Variants in UNC13C observed in about 807,000 individuals in gnomAD.
UNC13C encodes the protein protein unc-13 homolog C.
A neutral mutation model predicts 245.4 loss-of-function variants in UNC13C; 174 were observed. That is an observed-to-expected ratio of 0.71 (90% CI 0.63 to 0.80). UNC13C has a LOEUF of 0.80. Among genes scored for constraint, UNC13C ranks in the 30% least tolerant of loss-of-function variants. UNC13C has a pLI of 0.00. For missense variants in UNC13C, 2,829 were observed against 2,602.9 expected, an observed-to-expected ratio of 1.09 and a Z score of -1.89; for synonymous variants, 992 against 895.1, an observed-to-expected ratio of 1.11 and a Z score of -1.93.
In UNC13C at chr15:54,336,394, G is replaced by A. The variant is rs569852938; in HGVS notation, c.4585-1967G>A. Among the ~76,000 whole-genome samples the A allele has an allele frequency of 1.1e-4, 16 of 152,010 alleles. No homozygotes were observed. The East Asian group carries it at 2.5e-3, about 24-fold the overall frequency. ...TTGAATACAATTTTTTGTCAGATATGTGATTTGCTATTATTTTTGCCTTGT... is the reference window on the plus strand; with the variant it reads ...TTGAATACAATTTTTTGTCAGATATATGATTTGCTATTATTTTTGCCTTGT... On this transcript the variant is annotated intron_variant, in intron 16 of 32. Transcript: ENST00000260323.
chr15:54,458,266 G>A (rs8027984), intron 19 of UNC13C, among the ~76,000 whole-genome samples: 67,250 of 151,762 alleles, frequency 0.44, 15,210 homozygotes, highest in East Asian at 0.71. Context: ...TATACTTTTA[G>A]TTTTCTTAAA....
chr15:54,130,484 A>T (rs2031346422), intron 2 of UNC13C, among the ~76,000 whole-genome samples: 2 of 151,526 alleles, frequency 1.3e-5, no homozygotes, highest in African/African-American at 4.8e-5. Context: ...AGTAGAGTCG[A>T]GGTTTCACCG....
chr15:54,283,691 T>C (rs559399476), intron 10 of UNC13C, among the ~76,000 whole-genome samples: 8 of 123,958 alleles, frequency 6.5e-5, no homozygotes, highest in Admixed American at 5.5e-4. Flanking sequence ...CTATGTGATA[T>C]ATATGTGTGT....
At chr15:54,075,312 C>G (rs1269744369) in intron 2 of UNC13C, among the ~76,000 whole-genome samples, 1 of 151,848 alleles carries the variant, frequency 6.6e-6, no homozygotes, top group Non-Finnish European at 1.5e-5. Context: ...GGCGAAACAC[C>G]GTCTCTACTA....
intron 2 of UNC13C, among the ~76,000 whole-genome samples, chr15:54,125,476 A>G (rs996537746): frequency 3.9e-5 from 6 of 152,150 alleles, no homozygotes; most frequent in African/African-American, 1.4e-4. Flanking sequence ...AGATAATAAT[A>G]ATAATAATTC....
intron 30 of UNC13C, among the ~76,000 whole-genome samples, chr15:54,613,916 A>G (rs2141294270): frequency 6.6e-6 from 1 of 152,096 alleles, no homozygotes; most frequent in African/African-American, 2.4e-5. Context: ...TGGTGGGAGA[A>G]ACTATTATAC....
At chr15:54,001,124 A>C (rs1461674384) in intron 1 of UNC13C, among the ~76,000 whole-genome samples, 3 of 152,184 alleles carry the variant, frequency 2.0e-5, no homozygotes, top group Non-Finnish European at 2.9e-5. Context: ...GTGATAGTTC[A>C]TGACAGGTTT....
At chr15:54,236,682 A>T (rs1463843340) in intron 6 of UNC13C, among the ~76,000 whole-genome samples, 1 of 152,236 alleles carries the variant, frequency 6.6e-6, no homozygotes, top group East Asian at 1.9e-4. Context: ...TTTTTCAAAG[A>T]TGAAACATTT....
intron 7 of UNC13C, among the ~76,000 whole-genome samples, chr15:54,243,331 C>T (rs2035908246): frequency 6.6e-6 from 1 of 152,086 alleles, no homozygotes; most frequent in African/African-American, 2.4e-5. Flanking sequence ...TTTTTTATGG[C>T]TGCATAGTAT....
At chr15:53,908,837 T>C in the UNC13C span, among the ~76,000 whole-genome samples, 2 of 145,546 alleles carry the variant, frequency 1.4e-5, no homozygotes, top group Non-Finnish European at 3.1e-5. Flanking sequence ...TTAATTATAT[T>C]TAGCATTAGT....
chr15:54,008,160 A>G (rs1595705966), intron 1 of UNC13C, among the ~76,000 whole-genome samples: 1 of 152,218 alleles, frequency 6.6e-6, no homozygotes, highest in East Asian at 1.9e-4. Flanking sequence ...TAGTTCTCTT[A>G]AAAATGAATA....
At chr15:54,036,675 G>A (rs1896590159) in intron 2 of UNC13C, among the ~76,000 whole-genome samples, 1 of 152,190 alleles carries the variant, frequency 6.6e-6, no homozygotes, top group South Asian at 2.1e-4. Flanking sequence ...CCTCTCCTTA[G>A]CAGCACTAGA....
chr15:53,922,543 C>T, the UNC13C span, among the ~76,000 whole-genome samples: 1 of 152,198 alleles, frequency 6.6e-6, no homozygotes, highest in Non-Finnish European at 1.5e-5. Context: ...CCATTCTTGT[C>T]CCTTACCTTT....
At chr15:53,864,918 A>G in the UNC13C span, among the ~76,000 whole-genome samples, 1 of 152,174 alleles carries the variant, frequency 6.6e-6, no homozygotes, top group Admixed American at 6.5e-5. Context: ...CTATATAATG[A>G]ATGGTGTAGT....
the UNC13C span, among the ~76,000 whole-genome samples, chr15:53,850,021 C>A: frequency 3.9e-5 from 6 of 152,258 alleles, no homozygotes; most frequent in Non-Finnish European, 7.4e-5. Flanking sequence ...TTTTTAGTGT[C>A]ATTTTCCTTT....
chr15:54,218,499 T>C (rs1013089225), intron 4 of UNC13C, among the ~76,000 whole-genome samples: 2 of 151,766 alleles, frequency 1.3e-5, no homozygotes, highest in Non-Finnish European at 2.9e-5. Context: ...CAGAGAAGTG[T>C]GGAATAGTAT....
rs754680720 is a variant in UNC13C, at chr15:54,507,208, G to C, written c.5379+14G>C. Reference sequence around the variant, plus strand: ...AAGGAAAATGTGGTAAGTAAAAAATGTCTCTACTTTCAAGTATCTCTCAGT... The same window carrying C: ...AAGGAAAATGTGGTAAGTAAAAAATCTCTCTACTTTCAAGTATCTCTCAGT... On this transcript the variant is annotated intron_variant, in intron 23 of 32. Transcript: ENST00000260323. 7 of 1,536,628 alleles carry C rather than the reference G, an allele frequency of 4.6e-6. No homozygotes were observed. Among genetic ancestry groups the C allele is most frequent in the Non-Finnish European group, 6.2e-6 (7 of 1,125,332 alleles).
At chr15:54,439,951 C>T (rs1016623750) in intron 19 of UNC13C, among the ~76,000 whole-genome samples, 3 of 152,080 alleles carry the variant, frequency 2.0e-5, no homozygotes, top group South Asian at 2.1e-4. Context: ...CCTACCCATA[C>T]ACTCTTCTCA....
intron 4 of UNC13C, among the ~76,000 whole-genome samples, chr15:54,169,935 C>G (rs2033326012): frequency 6.6e-6 from 1 of 151,000 alleles, no homozygotes; most frequent in Non-Finnish European, 1.5e-5. Flanking sequence ...CATTTGATAT[C>G]TATCTCCTCT....
Sources: allele counts gnomAD v4.1 joint callset (sites outside exome capture counted in the v4.1 genomes callset), GRCh38; gene constraint gnomAD v4.1.1; transcripts MANE v1.5; gene names NCBI Gene and HGNC (gene_info 2026-07-23, HGNC 2026-07-21).